MARK4: variants seen among roughly 807,000 people sequenced by gnomAD.
MARK4 encodes the protein microtubule affinity regulating kinase 4.
In MARK4, 19 loss-of-function variants were observed where a neutral mutation model predicts 81.5. That is an observed-to-expected ratio of 0.23 (90% confidence interval 0.16 to 0.34). The LOEUF is 0.34. Among genes scored for constraint, MARK4 ranks in the 10% least tolerant of loss-of-function variants. The probability of loss-of-function intolerance (pLI) is 1.00; values close to 1 mark genes in which losing one functional copy is unlikely to be tolerated. For missense variants in MARK4, 772 were observed against 1,058.8 expected, an observed-to-expected ratio of 0.73 and a Z score of 3.76; for synonymous variants, 436 against 439.0, an observed-to-expected ratio of 0.99 and a Z score of 0.08.
Position 45,280,502 on chromosome 19 carries a change from C to G in MARK4, c.1116+19C>G, listed in dbSNP as rs536028232. On this transcript the variant is annotated intron_variant, in intron 11 of 16. Transcript: ENST00000262891. ...GACTGAGGTCAGGGGGCGCCAGGGG[C>G]CCTTGGGGACGCGTGATGCCTGGGT... 1.2e-5 allele frequency: 19 copies of G among 1,614,036 alleles called. No individual in the cohort carries two copies. In the East Asian group the frequency reaches 3.8e-4, roughly 32 times the overall value.
chr19:45,302,258 T>C lies in MARK4; in HGVS notation c.1923-116T>C. The C allele has an allele frequency of 1.9e-6, 3 of 1,558,982 alleles. No individual in the cohort carries two copies. Among genetic ancestry groups the C allele is most frequent in the Non-Finnish European group, 2.6e-6 (3 of 1,151,926 alleles). The stretch of plus-strand genomic sequence containing the variant: ...CTGTCGCTGGGGTAACAGGGGAAGA[T>C]GTTTTTTGAGGGGATGGCTAGGAAT... On this transcript the variant is annotated intron_variant, in intron 16 of 16. Transcript: ENST00000262891. The surrounding 1 kb of genome is among the most constrained non-coding windows in gnomAD (Gnocchi z 4.9).
At chr19:45,267,108 G>T (rs1970465270) in intron 7 of MARK4, among the ~76,000 whole-genome samples, 1 of 151,864 alleles carries the variant, frequency 6.6e-6, no homozygotes, top group Non-Finnish European at 1.5e-5. Flanking sequence ...GCCCAGGCTG[G>T]AGTGTAGTGG....
intron 2 of MARK4, among the ~76,000 whole-genome samples, chr19:45,261,406 A>G (rs563750348): frequency 4.6e-5 from 7 of 152,294 alleles, no homozygotes; most frequent in East Asian, 1.9e-4. Flanking sequence ...CCCTTTGACA[A>G]TTTATTCATG....
At chr19:45,264,642 C>T in intron 4 of MARK4, 42 bp from the exon 5 acceptor site, 1 of 1,588,660 alleles carries the variant, frequency 6.3e-7, no homozygotes, top group Non-Finnish European at 8.6e-7. Flanking sequence ...TTAGGAGGGG[C>T]CCTTTCTCCC....
intron 8 of MARK4, among the ~76,000 whole-genome samples, chr19:45,272,762 C>T (rs908645596): frequency 1.3e-5 from 2 of 152,164 alleles, no homozygotes; most frequent in Middle Eastern, 3.4e-3. Context: ...GTGGCAGGCA[C>T]CTGTAATCCC....
intron 8 of MARK4, among the ~76,000 whole-genome samples, chr19:45,274,553 C>G (rs1040993661): frequency 4.6e-5 from 7 of 152,082 alleles, no homozygotes; most frequent in Non-Finnish European, 7.4e-5. Flanking sequence ...ATTGCTTGAA[C>G]CAGGGAGGCA....
intron 1 of MARK4, among the ~76,000 whole-genome samples, chr19:45,257,675 G>A (rs12977525): frequency 0.44 from 64,840 of 146,520 alleles, 15,425 homozygotes; most frequent in Non-Finnish European, 0.55. Context: ...GAGCCACCTC[G>A]CCTGGCCCAT....
intron 13 of MARK4, 97 bp from the exon 14 acceptor site, chr19:45,294,252 A>T: frequency 8.7e-7 from 1 of 1,146,250 alleles, no homozygotes. Context: ...TGAGCCCCTG[A>T]CTTATTCATC....
At chr19:45,286,710 C>A in intron 12 of MARK4, among the ~76,000 whole-genome samples, 1 of 151,366 alleles carries the variant, frequency 6.6e-6, no homozygotes, top group Non-Finnish European at 1.5e-5. Context: ...GAGATCCTGT[C>A]TCAATAAAAA....
At chr19:45,298,492 C>G (rs895526753) in intron 15 of MARK4, among the ~76,000 whole-genome samples, 2 of 152,192 alleles carry the variant, frequency 1.3e-5, no homozygotes, top group Non-Finnish European at 2.9e-5. Flanking sequence ...CAATACCTGT[C>G]TCCTAGGGTT....
chr19:45,299,001 A>G (rs1179545632), intron 15 of MARK4, among the ~76,000 whole-genome samples: 2 of 148,528 alleles, frequency 1.3e-5, no homozygotes, highest in Non-Finnish European at 3.0e-5. Flanking sequence ...ACTTGAACGC[A>G]GGAGGTCAAG....
chr19:45,271,207 G>A lies in MARK4; in HGVS notation c.550-265G>A, dbSNP rs1970522342. On this transcript the variant is annotated intron_variant, in intron 7 of 16. Coordinates refer to ENST00000262891, the MANE Select transcript of MARK4 (RefSeq NM_001199867.2). This position sits in a 1 kb window ranked among gnomAD's most constrained non-coding sequence, Gnocchi z 4.1. ...AGGCGTGAGCCACTATGTCTGGCCT[G>A]TGCTAGGTTTTCTATGTGGATTAAC... Among the ~76,000 whole-genome samples, 1 of 152,174 alleles carries A rather than the reference G, an allele frequency of 6.6e-6. No individual in the cohort carries two copies. The highest frequency in any genetic ancestry group is 1.5e-5 in the Non-Finnish European group (1 of 68,038).
chr19:45,280,723 A>G lies in MARK4; in HGVS notation c.1265A>G (p.His422Arg). 6.2e-7 allele frequency: 1 copy of G among 1,614,152 alleles called. No individual in the cohort carries two copies. Among genetic ancestry groups the G allele is most frequent in the Non-Finnish European group, 8.5e-7 (1 of 1,179,988 alleles). ...TCCACCTACCACCGCCAGCGCAGGCATAGCGATTTCTGTGAGTATCAACCC... is the reference window on the plus strand; with the variant it reads ...TCCACCTACCACCGCCAGCGCAGGCGTAGCGATTTCTGTGAGTATCAACCC... ...SSSTYHRQRR[H>R]SDFCGPSPAP... Residue 422 changes from histidine to arginine, a missense_variant, in exon 12 of 17, where the codon CAT (histidine) becomes CGT (arginine). Physicochemically the swap from His to Arg is conservative, Grantham distance 29. Coordinates refer to ENST00000262891, the MANE Select transcript of MARK4 (RefSeq NM_001199867.2).
chr19:45,262,962 G>T, intron 2 of MARK4, 151 bp from the exon 3 acceptor site: 1 of 801,560 alleles, frequency 1.2e-6, no homozygotes, highest in Non-Finnish European at 2.0e-6. Flanking sequence ...ACAGGGTTTC[G>T]TCGTGTTGAC....
At chr19:45,300,237 C>T (rs1454969156) in intron 16 of MARK4, among the ~76,000 whole-genome samples, 4 of 149,358 alleles carry the variant, frequency 2.7e-5, no homozygotes, top group South Asian at 4.2e-4. Context: ...CCCAACTACT[C>T]GGGAGGCTGA....
chr19:45,269,472 T>G (rs368749408), intron 7 of MARK4, among the ~76,000 whole-genome samples: 126 of 152,178 alleles, frequency 8.3e-4, no homozygotes, highest in African/African-American at 2.6e-3. Context: ...CTTTGTAGGG[T>G]TTGGGCCTTT....
Position 45,277,998 on chromosome 19 carries a change from C to T in MARK4, c.862C>T (p.Arg288Trp), listed in dbSNP as rs1246007116. 1 of 1,613,888 alleles carries T rather than the reference C, an allele frequency of 6.2e-7. No homozygotes were observed. Among genetic ancestry groups the T allele is most frequent in the Non-Finnish European group, 8.5e-7 (1 of 1,179,974 alleles). ...GTCAACAGACTGTGAGAGCATCCTG[C>T]GGAGATTTTTGGTGCTGAACCCAGC... Reference protein sequence around the residue: ...YMSTDCESILRRFLVLNPAKR... With the variant: ...YMSTDCESILWRFLVLNPAKR... Residue 288 changes from arginine to tryptophan, a missense_variant, in exon 9 of 17, where the codon CGG becomes TGG. Arg to Trp is a moderately radical substitution (Grantham distance 101). Coordinates refer to ENST00000262891, the MANE Select transcript of MARK4 (RefSeq NM_001199867.2).
chr19:45,288,051 A>G, intron 13 of MARK4: 1 of 238,598 alleles, frequency 4.2e-6, no homozygotes, highest in East Asian at 1.1e-4. Flanking sequence ...AGCATAGCAG[A>G]CGCCATCTCA....
In MARK4 at chr19:45,253,256, A is replaced by G. The variant is rs547360645; in HGVS notation, c.51+1617A>G. On this transcript the variant is annotated intron_variant, in intron 1 of 16. Coordinates refer to ENST00000262891, the MANE Select transcript of MARK4 (RefSeq NM_001199867.2). Reference sequence around the variant, plus strand: ...CTCATCTTGCAGATCCCTCCCTCACAGAGACCACCCCGCATCATCACTATG... The same window carrying G: ...CTCATCTTGCAGATCCCTCCCTCACGGAGACCACCCCGCATCATCACTATG... Among the ~76,000 whole-genome samples the G allele has an allele frequency of 4.0e-5, 6 of 150,996 alleles. No homozygotes were observed. In the South Asian group the frequency reaches 1.3e-3, roughly 32 times the overall value.
Sources: allele counts gnomAD v4.1 joint callset (sites outside exome capture counted in the v4.1 genomes callset), GRCh38; gene constraint gnomAD v4.1.1; non-coding constraint Gnocchi (gnomAD v3.1); transcripts MANE v1.5; gene names NCBI Gene and HGNC (gene_info 2026-07-23, HGNC 2026-07-21).